Variants in CAMK1D observed in about 807,000 individuals in gnomAD.
The protein encoded by CAMK1D is calcium/calmodulin-dependent protein kinase type 1D.
A neutral mutation model predicts 47.7 loss-of-function variants in CAMK1D; 9 were observed. That is an observed-to-expected ratio of 0.19 (90% CI 0.11 to 0.33). The LOEUF is 0.33. Ranked by LOEUF, CAMK1D falls within the 10% of genes least tolerant of loss-of-function variation. The probability of loss-of-function intolerance (pLI) is 1.00; values close to 1 mark genes in which losing one functional copy is unlikely to be tolerated. For synonymous variants in CAMK1D, 184 were observed against 184.9 expected, an observed-to-expected ratio of 0.99 and a Z score of 0.04; for missense variants, 291 against 488.7, an observed-to-expected ratio of 0.60 and a Z score of 3.81.
In CAMK1D at chr10:12,830,926, AACACACACACACACACACACACAC is replaced by A. The variant is rs3995677; in HGVS notation, c.*2055_*2078del. On this transcript the variant is annotated 3_prime_UTR_variant, in exon 11 of 11. Coordinates refer to ENST00000619168, the MANE Select transcript of CAMK1D (RefSeq NM_153498.4). ...GTGATGCCCCCCCACCCTCTCAATAAACACACACACACACACACACACACACACACACACACACAATGTTATTAG... is the reference window on the plus strand; with the variant it reads ...GTGATGCCCCCCCACCCTCTCAATAAACACACACACACACAATGTTATTAG... 2 of 103,728 alleles carry A rather than the reference AACACACACACACACACACACACAC, an allele frequency of 1.9e-5. No individual in the cohort carries two copies. Among genetic ancestry groups the A allele is most frequent in the Admixed American group, 2.0e-4 (2 of 10,168 alleles). 6.4% of individuals were successfully genotyped at this position (103,728 alleles called of 1,614,324 possible). A position where few individuals can be genotyped will look rare whatever the true frequency, so the allele number is the denominator to read the frequency against.
At chr10:12,764,393 A>AAAAAAAAG (rs1212862751) in intron 4 of CAMK1D, among the ~76,000 whole-genome samples, 1 of 151,546 alleles carries the variant, frequency 6.6e-6, no homozygotes, top group East Asian at 1.9e-4. Context: ...AAAAAAAAAA[A>AAAAAAAAG]AAAAACATTG....
At chr10:12,645,266 A>C (rs542420382) in intron 2 of CAMK1D, among the ~76,000 whole-genome samples, 1 of 152,010 alleles carries the variant, frequency 6.6e-6, no homozygotes, top group African/African-American at 2.4e-5. Context: ...ATTATTTAAA[A>C]TTTTTTTCTA....
chr10:12,377,197 C>CAAATTAAAAA lies in CAMK1D; in HGVS notation c.92+27291_92+27300dup, dbSNP rs146144778. 9.1e-3 allele frequency among the ~76,000 whole-genome samples: 1,379 copies of CAAATTAAAAA among 151,364 alleles called. 19 individuals are homozygous for CAAATTAAAAA. Among genetic ancestry groups the CAAATTAAAAA allele is most frequent in the African/African-American group, 0.031 (1,284 of 41,246 alleles). On this transcript the variant is annotated intron_variant, in intron 1 of 10. Coordinates refer to ENST00000619168, the MANE Select transcript of CAMK1D (RefSeq NM_153498.4). ...CTGTTGGCAAACAAAACAAAACAAA[C>CAAATTAAAAA]AAATTAAAAAAAAAATGTTCTTCCC...
intron 1 of CAMK1D, among the ~76,000 whole-genome samples, chr10:12,373,972 A>C (rs2131860923): frequency 6.6e-6 from 1 of 150,688 alleles, no homozygotes; most frequent in Non-Finnish European, 1.5e-5. Context: ...AAAAAAAAAA[A>C]AAAAAGTCCA....
chr10:12,662,953 T>G (rs899871782), intron 2 of CAMK1D, among the ~76,000 whole-genome samples: 14 of 152,160 alleles, frequency 9.2e-5, no homozygotes, highest in African/African-American at 3.4e-4. Flanking sequence ...TTTTGTTTGT[T>G]TGTTTTTGTT....
At chr10:12,759,071 G>A (rs778937876) in intron 3 of CAMK1D, among the ~76,000 whole-genome samples, 1 of 152,214 alleles carries the variant, frequency 6.6e-6, no homozygotes, top group East Asian at 1.9e-4. Flanking sequence ...AATGCAGGCC[G>A]GATGCAGTGG....
At chr10:12,528,840 C>G (rs1057262927) in intron 1 of CAMK1D, among the ~76,000 whole-genome samples, 2 of 151,080 alleles carry the variant, frequency 1.3e-5, no homozygotes, top group African/African-American at 4.9e-5. Context: ...CTCCTAGGGT[C>G]AAGCAATCCT....
At chr10:12,581,075 T>C (rs528815549) in intron 2 of CAMK1D, among the ~76,000 whole-genome samples, 1 of 152,284 alleles carries the variant, frequency 6.6e-6, no homozygotes, top group South Asian at 2.1e-4. Flanking sequence ...GAGTCCATTG[T>C]GTCATTCTTA....
chr10:12,728,989 A>T (rs1331082850), intron 3 of CAMK1D, among the ~76,000 whole-genome samples: 8 of 152,250 alleles, frequency 5.3e-5, no homozygotes, highest in African/African-American at 1.9e-4. Flanking sequence ...GGAACAAGTT[A>T]AAAAAGATGA....
chr10:12,817,732 C>A (rs1340101795), intron 8 of CAMK1D, among the ~76,000 whole-genome samples: 2 of 152,028 alleles, frequency 1.3e-5, no homozygotes, highest in Non-Finnish European at 2.9e-5. Context: ...TCTCCGTCAC[C>A]CAGGCTGGAG....
At chr10:12,630,562 G>A (rs932375117) in intron 2 of CAMK1D, among the ~76,000 whole-genome samples, 2 of 151,678 alleles carry the variant, frequency 1.3e-5, no homozygotes, top group Non-Finnish European at 2.9e-5. Context: ...ATTTTATTTT[G>A]TTTTGCTTTG....
chr10:12,658,967 T>TTAAC (rs1309309194), intron 2 of CAMK1D, among the ~76,000 whole-genome samples: 1 of 152,186 alleles, frequency 6.6e-6, no homozygotes, highest in African/African-American at 2.4e-5. Context: ...ATAGAGCTGA[T>TTAAC]TAACACAAGC....
chr10:12,493,434 G>T (rs1299486104), intron 1 of CAMK1D, among the ~76,000 whole-genome samples: 1 of 152,156 alleles, frequency 6.6e-6, no homozygotes, highest in African/African-American at 2.4e-5. Flanking sequence ...GATGGAAGCT[G>T]TGCATCTTCT....
chr10:12,553,210 CT>C lies in CAMK1D; in HGVS notation c.93-13del. 6.2e-7 allele frequency: 1 copy of C among 1,609,844 alleles called. No homozygotes were observed. Among genetic ancestry groups the C allele is most frequent in the Non-Finnish European group, 8.5e-7 (1 of 1,178,824 alleles). On this transcript the variant is annotated splice_polypyrimidine_tract_variant and intron_variant, in intron 1 of 10. Transcript: ENST00000619168. ...TTCTGCATCTAAGTGTTCTTTTTTC[CT>C]TCTTTGTTCACAGCGGGGCCTTTTC...
chr10:12,684,334 G>A (rs901889274), intron 3 of CAMK1D, among the ~76,000 whole-genome samples: 22 of 152,150 alleles, frequency 1.4e-4, no homozygotes, highest in Non-Finnish European at 4.4e-5. Flanking sequence ...GATGTGCTAA[G>A]AAAGGAGAGA....
chr10:12,587,405 CT>C (rs2132352093), intron 2 of CAMK1D, among the ~76,000 whole-genome samples: 1 of 152,164 alleles, frequency 6.6e-6, no homozygotes, highest in South Asian at 2.1e-4. Context: ...TCCATTTGTT[CT>C]GGGTTAGGTG....
chr10:12,800,654 T>C (rs1286893202), intron 6 of CAMK1D, among the ~76,000 whole-genome samples: 2 of 152,366 alleles, frequency 1.3e-5, no homozygotes, highest in South Asian at 4.1e-4. Context: ...GTCATTTTTA[T>C]GGCACCTTGG....
At position 12,618,065 on chromosome 10, in the gene CAMK1D, T is replaced by C. The variant is rs1838877843; in HGVS notation, c.225-48671T>C. Among the ~76,000 whole-genome samples, 4 of 12,002 alleles carry C rather than the reference T, an allele frequency of 3.3e-4. No individual in the cohort carries two copies. The South Asian group carries it at 0.019, about 58-fold the overall frequency. 7.9% of individuals were successfully genotyped at this position (12,002 alleles called of 152,430 possible). A position where few individuals can be genotyped will look rare whatever the true frequency, so the allele number is the denominator to read the frequency against. On this transcript the variant is annotated intron_variant, in intron 2 of 10. Coordinates refer to ENST00000619168, the MANE Select transcript of CAMK1D (RefSeq NM_153498.4). ...TACATATTTTGTATTAATTCACATTTGTTTTGGATCTAGTATTGAGAGGTG... is the reference window on the plus strand; with the variant it reads ...TACATATTTTGTATTAATTCACATTCGTTTTGGATCTAGTATTGAGAGGTG...
chr10:12,740,766 T>C (rs555034807), intron 3 of CAMK1D, among the ~76,000 whole-genome samples: 9 of 152,178 alleles, frequency 5.9e-5, no homozygotes, highest in Non-Finnish European at 1.3e-4. Context: ...TGTTTTGTTT[T>C]TGTTTTTTTT....
Sources: gnomAD v4.1 joint callset for allele counts (sites outside exome capture counted in the v4.1 genomes callset) on GRCh38, gnomAD v4.1.1 for gene constraint, MANE v1.5 for transcripts, NCBI Gene and HGNC (gene_info 2026-07-23, HGNC 2026-07-21) for gene names.